The following MEF2A variants were observed in gnomAD, a reference collection of about 807,000 sequenced individuals.
The protein encoded by MEF2A is myocyte enhancer factor 2A, also known as myocyte-specific enhancer factor 2A.
MEF2A carries 28 observed loss-of-function variants against 55.8 expected under a neutral mutation model. That is an observed-to-expected ratio of 0.50 (90% CI 0.37 to 0.69). MEF2A has a LOEUF of 0.69. Among genes scored for constraint, MEF2A ranks in the 30% least tolerant of loss-of-function variants. MEF2A has a pLI of 0.00. For missense variants in MEF2A, 528 were observed against 626.2 expected (o/e 0.84, Z 1.67); for synonymous variants, 239 against 227.1 (o/e 1.05, Z -0.47).
intron 5 of MEF2A, 184 bp downstream of exon 5, chr15:99,671,638 T>C (rs1198270794): frequency 3.8e-6 from 6 of 1,584,738 alleles, no homozygotes; most frequent in Non-Finnish European, 5.1e-6. Flanking sequence ...GATAATATGA[T>C]GCGGAATCAT....
At chr15:99,685,908 G>T (rs1278093214) in intron 7 of MEF2A, among the ~76,000 whole-genome samples, 2 of 152,106 alleles carry the variant, frequency 1.3e-5, no homozygotes, top group Non-Finnish European at 1.5e-5. Context: ...TTGAATGCTT[G>T]ATAGAATTCG....
At chr15:99,604,006 T>G (rs964098270) in intron 2 of MEF2A, among the ~76,000 whole-genome samples, 5 of 152,338 alleles carry the variant, frequency 3.3e-5, no homozygotes, top group Admixed American at 3.3e-4. Context: ...TGAAATAGTT[T>G]GTGAAATAGT....
intron 4 of MEF2A, among the ~76,000 whole-genome samples, chr15:99,665,680 A>G (rs1293963375): frequency 6.8e-6 from 1 of 147,708 alleles, no homozygotes; most frequent in Non-Finnish European, 1.5e-5. Flanking sequence ...TTTGCGATCT[A>G]TCCATCTGAC....
intron 4 of MEF2A, among the ~76,000 whole-genome samples, chr15:99,655,143 C>G (rs2047489898): frequency 6.6e-6 from 1 of 152,082 alleles, no homozygotes; most frequent in Non-Finnish European, 1.5e-5. Flanking sequence ...TAAAGTAATT[C>G]AGTGTGGTAT....
chr15:99,661,812 TA>T, intron 4 of MEF2A, among the ~76,000 whole-genome samples: 1 of 152,270 alleles, frequency 6.6e-6, no homozygotes, highest in South Asian at 2.1e-4. Context: ...GTGTGCACAT[TA>T]TGCAGTAGAC....
chr15:99,697,241 G>T (rs1428899734), intron 8 of MEF2A, among the ~76,000 whole-genome samples: 2 of 151,896 alleles, frequency 1.3e-5, no homozygotes, highest in Non-Finnish European at 2.9e-5. Context: ...AGCCAGTACA[G>T]TTAGGCAAAA....
At chr15:99,600,851 G>C (rs577063720) in intron 2 of MEF2A, among the ~76,000 whole-genome samples, 3 of 152,024 alleles carry the variant, frequency 2.0e-5, no homozygotes, top group South Asian at 2.1e-4. Flanking sequence ...TTGTTCTTCT[G>C]TTTCAAAGTT....
At chr15:99,686,018 T>C (rs1399110503) in intron 7 of MEF2A, among the ~76,000 whole-genome samples, 1 of 152,178 alleles carries the variant, frequency 6.6e-6, no homozygotes, top group Non-Finnish European at 1.5e-5. Flanking sequence ...AGAGTTTTTA[T>C]TTCTTCCTCA....
chr15:99,627,999 ATG>A, intron 2 of MEF2A, among the ~76,000 whole-genome samples: 1 of 152,194 alleles, frequency 6.6e-6, no homozygotes, highest in Non-Finnish European at 1.5e-5. Flanking sequence ...ATTATGGTTG[ATG>A]TGTAACGTAT....
chr15:99,696,897 A>G (rs1328950148), intron 8 of MEF2A, among the ~76,000 whole-genome samples: 1 of 152,180 alleles, frequency 6.6e-6, no homozygotes, highest in East Asian at 1.9e-4. Context: ...TCTAGACACA[A>G]AAATCCTCAG....
intron 7 of MEF2A, among the ~76,000 whole-genome samples, chr15:99,680,128 C>T (rs562823105): frequency 1.4e-4 from 21 of 152,204 alleles, no homozygotes; most frequent in South Asian, 1.0e-3. Context: ...GAGTCTGGGA[C>T]CACTCTTCCC....
chr15:99,610,410 C>T (rs28435945), intron 2 of MEF2A, among the ~76,000 whole-genome samples: 8 of 21,244 alleles, frequency 3.8e-4, no homozygotes, highest in South Asian at 4.1e-3. Flanking sequence ...TGGTCTCCCC[C>T]GCCCCCCCCC....
intron 1 of MEF2A, among the ~76,000 whole-genome samples, chr15:99,583,481 A>G (rs772192511): frequency 3.9e-5 from 6 of 152,156 alleles, no homozygotes; most frequent in Non-Finnish European, 5.9e-5. Context: ...AAGTGTTCCT[A>G]TTTTTAAAGT....
At chr15:99,586,761 A>C (rs1967426936) in intron 1 of MEF2A, among the ~76,000 whole-genome samples, 1 of 152,180 alleles carries the variant, frequency 6.6e-6, no homozygotes, top group East Asian at 1.9e-4. Flanking sequence ...TTTTGTCTCA[A>C]ACTATAAAAC....
chr15:99,567,641 G>A (rs1960278388), intron 1 of MEF2A, among the ~76,000 whole-genome samples: 2 of 151,334 alleles, frequency 1.3e-5, no homozygotes, highest in Admixed American at 1.3e-4. Context: ...GTGTGTGTGT[G>A]TGTGTGTGTG....
intron 2 of MEF2A, among the ~76,000 whole-genome samples, chr15:99,621,751 A>G (rs2041219430): frequency 6.6e-6 from 1 of 152,190 alleles, no homozygotes; most frequent in South Asian, 2.1e-4. Context: ...TTAAAAAAGT[A>G]ATAGATCCTT....
chr15:99,584,148 A>G (rs1443428525), intron 1 of MEF2A, among the ~76,000 whole-genome samples: 1 of 152,210 alleles, frequency 6.6e-6, no homozygotes, highest in Non-Finnish European at 1.5e-5. Flanking sequence ...GACTTAATAT[A>G]GCACAGCTCC....
intron 2 of MEF2A, among the ~76,000 whole-genome samples, chr15:99,624,430 G>T (rs1008558503): frequency 1.3e-5 from 2 of 152,110 alleles, no homozygotes; most frequent in Non-Finnish European, 2.9e-5. Context: ...ATCATTTGTT[G>T]AAAAGACTGT....
At chr15:99,601,197 T>C (rs928219000) in intron 2 of MEF2A, among the ~76,000 whole-genome samples, 4 of 152,198 alleles carry the variant, frequency 2.6e-5, no homozygotes, top group African/African-American at 9.6e-5. Flanking sequence ...TGATTGATGC[T>C]AGTCTACAGA....
Sources: allele counts gnomAD v4.1 joint callset (sites outside exome capture counted in the v4.1 genomes callset), GRCh38; gene constraint gnomAD v4.1.1; transcripts MANE v1.5; gene names NCBI Gene and HGNC (gene_info 2026-07-23, HGNC 2026-07-21).